PTCHD4: variants seen among roughly 807,000 people sequenced by gnomAD.
PTCHD4 encodes patched domain containing 4.
A neutral mutation model predicts 58.1 loss-of-function variants in PTCHD4; 33 were observed. That is an observed-to-expected ratio of 0.57 (90% CI 0.43 to 0.76). The LOEUF is 0.76. PTCHD4 is among the 30% of genes least tolerant of loss of function. PTCHD4 has a pLI of 0.00. For synonymous variants in PTCHD4, 478 were observed against 409.6 expected (o/e 1.17, Z -2.02); for missense variants, 1,058 against 1,027.1 (o/e 1.03, Z -0.41).
intron 4 of PTCHD4, among the ~76,000 whole-genome samples, chr6:47,898,148 G>T (rs1386320820): frequency 1.3e-5 from 2 of 151,758 alleles, no homozygotes; most frequent in Non-Finnish European, 2.9e-5. Flanking sequence ...GTTTCACCGT[G>T]TTAGCCAGGA....
chr6:48,064,813 C>T, intron 3 of PTCHD4, among the ~76,000 whole-genome samples: 1 of 151,836 alleles, frequency 6.6e-6, no homozygotes. Flanking sequence ...GATTTGTGTG[C>T]CTAGTGAGAG....
intron 3 of PTCHD4, among the ~76,000 whole-genome samples, chr6:48,019,693 A>G (rs541384087): frequency 7.3e-5 from 11 of 151,172 alleles, no homozygotes; most frequent in African/African-American, 2.2e-4. Context: ...CTGAGATGGC[A>G]CCACTGCACT....
intron 4 of PTCHD4, among the ~76,000 whole-genome samples, chr6:47,894,950 G>A (rs1361281783): frequency 6.6e-6 from 1 of 152,026 alleles, no homozygotes; most frequent in Non-Finnish European, 1.5e-5. Context: ...TGGCCAACAT[G>A]GTGAAACCTC....
chr6:48,031,141 C>T (rs567300628), intron 3 of PTCHD4, among the ~76,000 whole-genome samples: 14 of 152,084 alleles, frequency 9.2e-5, no homozygotes, highest in Non-Finnish European at 2.1e-4. Flanking sequence ...GACCCTTACC[C>T]CTACCCCTCC....
chr6:47,996,533 CA>C (rs1257925692), intron 4 of PTCHD4, among the ~76,000 whole-genome samples: 1 of 152,086 alleles, frequency 6.6e-6, no homozygotes, highest in Non-Finnish European at 1.5e-5. Flanking sequence ...GCCCCGGGCT[CA>C]GTTGGAGAAC....
intron 4 of PTCHD4, among the ~76,000 whole-genome samples, chr6:47,939,895 T>A (rs1482627700): frequency 1.3e-5 from 2 of 152,102 alleles, no homozygotes; most frequent in Admixed American, 1.3e-4. Flanking sequence ...CTGAAACTGG[T>A]CTTTTACCTC....
chr6:47,983,067 A>C (rs1767942351), intron 4 of PTCHD4, among the ~76,000 whole-genome samples: 1 of 152,196 alleles, frequency 6.6e-6, no homozygotes, highest in South Asian at 2.1e-4. Context: ...GATAATGGAG[A>C]TACTGTTGGA....
intron 4 of PTCHD4, among the ~76,000 whole-genome samples, chr6:47,962,397 G>T (rs772360794): frequency 1.3e-4 from 20 of 152,082 alleles, no homozygotes; most frequent in Non-Finnish European, 2.8e-4. Context: ...ATATGATATG[G>T]TTTGGTTTTG....
chr6:48,107,677 G>C (rs1765762306), intron 1 of PTCHD4, among the ~76,000 whole-genome samples: 2 of 152,060 alleles, frequency 1.3e-5, no homozygotes, highest in Non-Finnish European at 1.5e-5. Flanking sequence ...TACAGAATGG[G>C]AGAAAATTTT....
intron 4 of PTCHD4, among the ~76,000 whole-genome samples, chr6:47,889,966 G>A (rs9381628): frequency 3.9e-5 from 6 of 151,940 alleles, no homozygotes. Flanking sequence ...CTGACAAAGG[G>A]CTAATATCCA....
intron 4 of PTCHD4, chr6:47,901,253 T>A (rs1022143551): frequency 6.3e-6 from 1 of 157,944 alleles, no homozygotes; most frequent in African/African-American, 2.4e-5. Context: ...GGCTTGCTAG[T>A]ATTTTATTGA....
chr6:48,003,203 G>C lies in PTCHD4; in HGVS notation c.898+5431C>G, dbSNP rs11751227. On this transcript the variant is annotated intron_variant, in intron 4 of 4. Coordinates refer to ENST00000339488, the MANE Select transcript of PTCHD4 (RefSeq NM_001384253.1). ...TTGGATTCTATGGTTTTCAATATTA[G>C]CTATGCTGTGATGAATCTCAAATTT... Among the ~76,000 whole-genome samples the C allele has an allele frequency of 4.5e-3, 681 of 152,106 alleles. 2 individuals carry two copies. Among genetic ancestry groups the C allele is most frequent in the Middle Eastern group, 0.02 (6 of 294 alleles).
At chr6:48,061,407 G>T (rs547500214) in intron 3 of PTCHD4, among the ~76,000 whole-genome samples, 1 of 152,102 alleles carries the variant, frequency 6.6e-6, no homozygotes, top group East Asian at 1.9e-4. Flanking sequence ...CATGATAAAC[G>T]ATATGCTGAG....
intron 3 of PTCHD4, among the ~76,000 whole-genome samples, chr6:48,061,035 A>T (rs1189551678): frequency 6.6e-6 from 1 of 152,218 alleles, no homozygotes; most frequent in Non-Finnish European, 1.5e-5. Flanking sequence ...TTACAATGCC[A>T]CTTTAAAGGT....
At chr6:47,982,481 C>CTTTTTTTTTTTTTTTTTTTTT (rs375869071) in intron 4 of PTCHD4, among the ~76,000 whole-genome samples, 3 of 130,794 alleles carry the variant, frequency 2.3e-5, no homozygotes, top group Non-Finnish European at 1.6e-5. Flanking sequence ...TTATCTCTCT[C>CTTTTTTTTTTTTTTTTTTTTT]TTTTTTTTTT....
intron 4 of PTCHD4, among the ~76,000 whole-genome samples, chr6:47,986,493 C>G (rs1012208996): frequency 1.3e-5 from 2 of 151,990 alleles, no homozygotes; most frequent in South Asian, 4.2e-4. Context: ...CGTACAAATC[C>G]CAACATTCCC....
At chr6:47,913,404 C>G (rs1581868272) in intron 4 of PTCHD4, among the ~76,000 whole-genome samples, 1 of 151,984 alleles carries the variant, frequency 6.6e-6, no homozygotes, top group Non-Finnish European at 1.5e-5. Flanking sequence ...GACTTGCAAT[C>G]CCAATCCTCA....
intron 4 of PTCHD4, among the ~76,000 whole-genome samples, chr6:47,986,244 A>G (rs1373315393): frequency 6.6e-6 from 1 of 152,088 alleles, no homozygotes; most frequent in African/African-American, 2.4e-5. Flanking sequence ...AAAATTATCT[A>G]TGTATCATTG....
intron 1 of PTCHD4, among the ~76,000 whole-genome samples, chr6:48,070,435 C>A (rs1182930519): frequency 1.3e-5 from 2 of 152,034 alleles, no homozygotes; most frequent in East Asian, 1.9e-4. Flanking sequence ...AGTTAAGAGA[C>A]CAATGACACA....
Sources: allele counts gnomAD v4.1 joint callset (sites outside exome capture counted in the v4.1 genomes callset), GRCh38; gene constraint gnomAD v4.1.1; transcripts MANE v1.5; gene names NCBI Gene and HGNC (gene_info 2026-07-23, HGNC 2026-07-21).